ARHGAP8: variants seen among roughly 807,000 people sequenced by gnomAD.
ARHGAP8 encodes rho GTPase-activating protein 8.
Under a neutral mutation model 46.1 loss-of-function variants are expected in ARHGAP8, and 62 were observed. The observed-to-expected ratio is 1.34, with a 90% CI of 1.10 to 1.66. ARHGAP8 has a LOEUF of 1.66. ARHGAP8 is among the 40% of genes most tolerant of loss of function. The pLI is 0.00. For missense variants in ARHGAP8, 923 were observed against 568.4 expected, an observed-to-expected ratio of 1.62 and a Z score of -6.34; for synonymous variants, 375 against 243.1, an observed-to-expected ratio of 1.54 and a Z score of -5.05.
chr22:44,858,370 T>A (rs1337739651), intron 10 of ARHGAP8, among the ~76,000 whole-genome samples: 1 of 28,100 alleles, frequency 3.6e-5, no homozygotes, highest in East Asian at 0.029. Context: ...TTGGTGGTGG[T>A]TTTTTTTTTT....
rs575706006 is a variant in ARHGAP8, at chr22:44,839,519, C to T, written c.597-5750C>T. The stretch of plus-strand genomic sequence containing the variant: ...CCTGATAAATCATCTGACATAGAGA[C>T]GTTCCCAGGGGGCCGTGGAGCCCAG... On this transcript the variant is annotated intron_variant, in intron 7 of 11. Transcript: ENST00000356099. Among the ~76,000 whole-genome samples, 85 of 152,316 alleles carry T rather than the reference C, an allele frequency of 5.6e-4. 2 individuals are homozygous for T. The highest frequency in any genetic ancestry group is 3.4e-3 in the Admixed American group (52 of 15,304).
chr22:44,753,803 G>A (rs912497511), intron 1 of ARHGAP8, among the ~76,000 whole-genome samples: 5 of 152,208 alleles, frequency 3.3e-5, no homozygotes, highest in African/African-American at 1.2e-4. Flanking sequence ...TTGTGACAGA[G>A]GCTGTGTAGA....
At chr22:44,850,232 G>T (rs999827979) in intron 10 of ARHGAP8, 1 of 152,204 alleles carries the variant, frequency 6.6e-6, no homozygotes, top group Non-Finnish European at 1.5e-5. Flanking sequence ...CTGAGATGGG[G>T]AAGGTCTCTC....
chr22:44,824,417 G>A (rs1930364634), intron 6 of ARHGAP8, among the ~76,000 whole-genome samples: 1 of 152,124 alleles, frequency 6.6e-6, no homozygotes, highest in African/African-American at 2.4e-5. Context: ...GACCTTTCCT[G>A]CATTGTCGGG....
chr22:44,862,717 A>G lies in ARHGAP8; in HGVS notation c.*122A>G, dbSNP rs992952952. The G allele has an allele frequency of 4.9e-6, 6 of 1,218,610 alleles. No homozygotes were observed. In the South Asian group the frequency reaches 1.0e-4, roughly 21 times the overall value. The allele number at this position is 1,218,610 out of a possible 1,614,324, so 75.5% of individuals were successfully genotyped here. On this transcript the variant is annotated 3_prime_UTR_variant, in exon 12 of 12. Coordinates refer to ENST00000356099, the MANE Select transcript of ARHGAP8 (RefSeq NM_181335.3). ...TAGATGAATTCAGAACCTTCTAATGAAAACTCCATGCCTCTGGTCCTTGGA... is the reference window on the plus strand; with the variant it reads ...TAGATGAATTCAGAACCTTCTAATGGAAACTCCATGCCTCTGGTCCTTGGA...
chr22:44,858,576 G>C (rs1406253605), intron 10 of ARHGAP8, among the ~76,000 whole-genome samples: 1 of 123,886 alleles, frequency 8.1e-6, no homozygotes, highest in South Asian at 2.7e-4. Context: ...CACCATGTTG[G>C]GTCAGGCTGG....
chr22:44,860,798 C>G (rs937482868), intron 11 of ARHGAP8, among the ~76,000 whole-genome samples: 1 of 152,160 alleles, frequency 6.6e-6, no homozygotes, highest in Non-Finnish European at 1.5e-5. Context: ...CCACCCCCAA[C>G]CCCCAGACCC....
At position 44,862,784 on chromosome 22, in the gene ARHGAP8, A is replaced by C; in HGVS notation, c.*189A>C. ...CTGAGCTGTGGACCGGGATAGAATA[A>C]TGCATTTGTTAGGATGGATGTTTTG... is the stretch of plus-strand genomic sequence containing the variant. On this transcript the variant is annotated 3_prime_UTR_variant, in exon 12 of 12. Transcript: ENST00000356099. The C allele has an allele frequency of 1.2e-5, 8 of 664,216 alleles. No homozygotes were observed. The highest frequency in any genetic ancestry group is 1.9e-5 in the Non-Finnish European group (8 of 431,030). 41.1% of individuals were successfully genotyped at this position (664,216 alleles called of 1,614,324 possible). A position where few individuals can be genotyped will look rare whatever the true frequency, so the allele number is the denominator to read the frequency against.
chr22:44,843,959 C>T (rs1008001287), intron 7 of ARHGAP8, among the ~76,000 whole-genome samples: 2 of 151,158 alleles, frequency 1.3e-5, no homozygotes, highest in African/African-American at 4.9e-5. Context: ...TAAAAAGATA[C>T]AGCATATATA....
At chr22:44,821,352 C>A (rs898305448) in intron 5 of ARHGAP8, among the ~76,000 whole-genome samples, 1 of 151,666 alleles carries the variant, frequency 6.6e-6, no homozygotes, top group Non-Finnish European at 1.5e-5. Context: ...TCACTTGAAC[C>A]CAGGAGGCGG....
At chr22:44,782,496 C>T (rs1926915168) in intron 1 of ARHGAP8, among the ~76,000 whole-genome samples, 1 of 152,176 alleles carries the variant, frequency 6.6e-6, no homozygotes, top group Non-Finnish European at 1.5e-5. Flanking sequence ...AGCCACTCCC[C>T]TGCCCTCCCT....
chr22:44,855,999 C>T (rs1054483907), intron 10 of ARHGAP8, among the ~76,000 whole-genome samples: 4 of 152,084 alleles, frequency 2.6e-5, no homozygotes, highest in Admixed American at 6.5e-5. Context: ...TCACGCAGTG[C>T]GAGTGGGAGC....
chr22:44,827,345 T>TTTTG (rs1555916292), intron 7 of ARHGAP8, among the ~76,000 whole-genome samples: 4 of 118,244 alleles, frequency 3.4e-5, no homozygotes, highest in Admixed American at 8.4e-5. Flanking sequence ...GGTTTTTTTT[T>TTTTG]TTTTTTTTTT....
chr22:44,814,387 C>T (rs746308933), intron 4 of ARHGAP8, among the ~76,000 whole-genome samples: 1 of 152,180 alleles, frequency 6.6e-6, no homozygotes, highest in Non-Finnish European at 1.5e-5. Flanking sequence ...TGTGCTCCAG[C>T]CACCCCCGAC....
chr22:44,809,785 A>G (rs1410015479), intron 4 of ARHGAP8: 1 of 152,688 alleles, frequency 6.5e-6, no homozygotes, highest in African/African-American at 2.4e-5. Context: ...TTCCTTCTTC[A>G]AAGTCCTTTC....
At chr22:44,801,644 C>G (rs988777126) in intron 2 of ARHGAP8, among the ~76,000 whole-genome samples, 1 of 152,230 alleles carries the variant, frequency 6.6e-6, no homozygotes, top group Non-Finnish European at 1.5e-5. Context: ...GACATGAGGT[C>G]ATGCCCAGGA....
At chr22:44,788,226 C>T (rs1440226310) in intron 2 of ARHGAP8, among the ~76,000 whole-genome samples, 1 of 152,070 alleles carries the variant, frequency 6.6e-6, no homozygotes, top group South Asian at 2.1e-4. Context: ...TCAAGTGATT[C>T]TCCTGTCTCA....
At position 44,848,921 on chromosome 22, in the gene ARHGAP8, T is replaced by G. The variant is rs1273769270; in HGVS notation, c.749-11T>G. 2 of 1,613,770 alleles carry G rather than the reference T, an allele frequency of 1.2e-6. No individual in the cohort carries two copies. Among genetic ancestry groups the G allele is most frequent in the African/African-American group, 2.7e-5 (2 of 74,884 alleles). On this transcript the variant is annotated splice_polypyrimidine_tract_variant and intron_variant, in intron 9 of 11. Transcript: ENST00000356099. ...GGTGCAGACCTCAGCAGTGCTGTGTTGTGTGTGCAGGGAAGCCCGTGAACT... is the reference window on the plus strand; with the variant it reads ...GGTGCAGACCTCAGCAGTGCTGTGTGGTGTGTGCAGGGAAGCCCGTGAACT...
Position 44,848,850 on chromosome 22 carries a change from G to A in ARHGAP8, c.749-82G>A, listed in dbSNP as rs1431604065. On this transcript the variant is annotated intron_variant, in intron 9 of 11. Coordinates refer to ENST00000356099, the MANE Select transcript of ARHGAP8 (RefSeq NM_181335.3). Reference sequence around the variant, plus strand: ...GGTGCGTCCCATCCGGACATCTCACGCCCTGTGTCTCAGAGCTCGTTCTGC... The same window carrying A: ...GGTGCGTCCCATCCGGACATCTCACACCCTGTGTCTCAGAGCTCGTTCTGC... The A allele has an allele frequency of 8.2e-6, 13 of 1,588,476 alleles. No individual in the cohort carries two copies. In the Admixed American group the frequency reaches 8.5e-5, roughly 10 times the overall value.
Sources: gnomAD v4.1 joint callset for allele counts (sites outside exome capture counted in the v4.1 genomes callset) on GRCh38, gnomAD v4.1.1 for gene constraint, MANE v1.5 for transcripts, NCBI Gene and HGNC (gene_info 2026-07-23, HGNC 2026-07-21) for gene names.